PLK5: variants seen among roughly 807,000 people sequenced by gnomAD.
PLK5 encodes polo like kinase 5 (inactive).
A neutral mutation model predicts 33.7 loss-of-function variants in PLK5; 28 were observed. The observed-to-expected ratio is 0.83, with a 90% CI of 0.62 to 1.14. The LOEUF (loss-of-function observed/expected upper bound fraction) is 1.14. Ranked by LOEUF, PLK5 falls within the 50% of genes most tolerant of loss-of-function variation. The pLI is 0.00. For synonymous variants in PLK5, 225 were observed against 202.2 expected, an observed-to-expected ratio of 1.11 and a Z score of -0.96; for missense variants, 492 against 461.5, an observed-to-expected ratio of 1.07 and a Z score of -0.61.
intron 6 of PLK5, among the ~76,000 whole-genome samples, chr19:1,527,717 C>G (rs1235098696): frequency 6.6e-6 from 1 of 151,564 alleles, no homozygotes; most frequent in Non-Finnish European, 1.5e-5. Context: ...CATGGGACTG[C>G]ACAGGGTGCC....
intron 8 of PLK5, among the ~76,000 whole-genome samples, chr19:1,528,686 GCTCACA>G: frequency 1.8e-5 from 2 of 112,104 alleles, no homozygotes; most frequent in Non-Finnish European, 3.5e-5. Context: ...CCTCCCACCT[GCTCACA>G]CCTCCCACCT....
Position 1,535,309 on chromosome 19 carries a change from T to G in PLK5, c.*59T>G. 1 of 1,475,026 alleles carries G rather than the reference T, an allele frequency of 6.8e-7. No individual in the cohort carries two copies. Among genetic ancestry groups the G allele is most frequent in the South Asian group, 1.3e-5 (1 of 78,190 alleles). The allele number at this position is 1,475,026 out of a possible 1,614,324, so 91.4% of individuals were successfully genotyped here. A position where few individuals can be genotyped will look rare whatever the true frequency, so the allele number is the denominator to read the frequency against. On this transcript the variant is annotated 3_prime_UTR_variant, in exon 14 of 14. Coordinates refer to ENST00000454744, the MANE Select transcript of PLK5 (RefSeq NM_001243079.2). ...TAGTGCCAGGGACCCAGGCTCCATT[T>G]CCATTCCTGTGGCTCCCCCAGAGGG...
intron 8 of PLK5, among the ~76,000 whole-genome samples, 145 bp from the exon 9 acceptor site, chr19:1,528,736 ACCTGCCCACACCTCCCG>A (rs1435992911): frequency 1.1e-4 from 14 of 124,454 alleles, no homozygotes; most frequent in Admixed American, 5.6e-4. Flanking sequence ...ACCTGCCCCC[ACCTGCCCACACCTCCCG>A]CCTGCCCACA....
At chr19:1,534,537 G>A (rs753152825) in intron 13 of PLK5, among the ~76,000 whole-genome samples, 11 of 147,638 alleles carry the variant, frequency 7.5e-5, no homozygotes, top group Non-Finnish European at 1.2e-4. Context: ...CGGGCACGGT[G>A]GCTCACGCCT....
At position 1,535,555 on chromosome 19, in the gene PLK5, T is replaced by C; in HGVS notation, c.*305T>C. 1 of 383,724 alleles carries C rather than the reference T, an allele frequency of 2.6e-6. No individual in the cohort carries two copies. Among genetic ancestry groups the C allele is most frequent in the South Asian group, 3.5e-5 (1 of 28,758 alleles). The allele number at this position is 383,724 out of a possible 1,614,324, so 23.8% of individuals were successfully genotyped here. A position where few individuals can be genotyped will look rare whatever the true frequency, so the allele number is the denominator to read the frequency against. Reference sequence around the variant, plus strand: ...GTTGCATCCTCCCTGTTTCTCTTAGTGGCAGAGGTGGGTTACATTTTCACT... The same window carrying C: ...GTTGCATCCTCCCTGTTTCTCTTAGCGGCAGAGGTGGGTTACATTTTCACT... On this transcript the variant is annotated 3_prime_UTR_variant, in exon 14 of 14. Coordinates refer to ENST00000454744, the MANE Select transcript of PLK5 (RefSeq NM_001243079.2).
In PLK5 at chr19:1,524,516, G is replaced by C. The variant is rs1254850590; in HGVS notation, c.-544+270G>C. On this transcript the variant is annotated intron_variant, in intron 1 of 13. Transcript: ENST00000454744. The surrounding 1 kb of genome is among the most constrained non-coding windows in gnomAD (Gnocchi z 4.5). ...CGGGATGCGACGCTGTGTTGCCCCT[G>C]GGTGTGTGTGCGAGCCTGGCGAGGG... is the stretch of plus-strand genomic sequence containing the variant. Among the ~76,000 whole-genome samples, 1 of 152,124 alleles carries C rather than the reference G, an allele frequency of 6.6e-6. No individual in the cohort carries two copies. Among genetic ancestry groups the C allele is most frequent in the African/African-American group, 2.4e-5 (1 of 41,396 alleles).
chr19:1,525,416 A>C lies in PLK5; in HGVS notation c.-432A>C, dbSNP rs1157956526. The C allele has an allele frequency of 2.0e-5, 3 of 151,952 alleles. No individual in the cohort carries two copies. Among genetic ancestry groups the C allele is most frequent in the African/African-American group, 7.3e-5 (3 of 41,078 alleles). The allele number at this position is 151,952 out of a possible 1,614,324, so 9.4% of individuals were successfully genotyped here. A position where few individuals can be genotyped will look rare whatever the true frequency, so the allele number is the denominator to read the frequency against. On this transcript the variant is annotated splice_region_variant and 5_prime_UTR_variant, in exon 2 of 14. Coordinates refer to ENST00000454744, the MANE Select transcript of PLK5 (RefSeq NM_001243079.2). The stretch of plus-strand genomic sequence containing the variant: ...GGCCGGGTGGCTTCGCCCGCAGGGA[A>C]AGGTGCGTGTCCCCATCGGTCCCCA...
chr19:1,531,607 C>T (rs1913930073), intron 11 of PLK5, 131 bp from the exon 12 acceptor site: 1 of 1,067,918 alleles, frequency 9.4e-7, no homozygotes, highest in Non-Finnish European at 1.3e-6. Context: ...ACCACCGAAG[C>T]CCCCAAGCCT....
In PLK5 at chr19:1,524,552, C is replaced by T. The variant is rs989203316; in HGVS notation, c.-544+306C>T. Among the ~76,000 whole-genome samples the T allele has an allele frequency of 3.9e-5, 6 of 151,970 alleles. No homozygotes were observed. The highest frequency in any genetic ancestry group is 3.4e-3 in the Middle Eastern group (1 of 294). ...CGAGCCTGGCGAGGGTCTGAGTGTG[C>T]CGCGTCTGTGCCCGCTGCTTCCAAG... is the stretch of plus-strand genomic sequence containing the variant. On this transcript the variant is annotated intron_variant, in intron 1 of 13. Coordinates refer to ENST00000454744, the MANE Select transcript of PLK5 (RefSeq NM_001243079.2). The surrounding 1 kb of genome is among the most constrained non-coding windows in gnomAD (Gnocchi z 4.5).
intron 8 of PLK5, 137 bp from the exon 9 acceptor site, chr19:1,528,761 A>T: frequency 1.2e-6 from 1 of 830,398 alleles, no homozygotes; most frequent in Non-Finnish European, 1.8e-6. Flanking sequence ...CCGCCTGCCC[A>T]CACCTCCCAC....
chr19:1,532,015 A>C (rs1255446736), intron 12 of PLK5, 132 bp downstream of exon 12: 1 of 1,062,614 alleles, frequency 9.4e-7, no homozygotes, highest in Non-Finnish European at 1.3e-6. Context: ...GGAGAACAAC[A>C]CTAAACGAAT....
intron 12 of PLK5, among the ~76,000 whole-genome samples, chr19:1,532,102 G>A (rs1314450190): frequency 6.6e-6 from 1 of 152,178 alleles, no homozygotes; most frequent in African/African-American, 2.4e-5. Flanking sequence ...AGTAGTGTGG[G>A]TAGGGGGAAG....
In PLK5 at chr19:1,528,361, A is replaced by T; in HGVS notation, c.261A>T (p.Ile87=). 1 of 1,526,638 alleles carries T rather than the reference A, an allele frequency of 6.6e-7. No homozygotes were observed. The highest frequency in any genetic ancestry group is 8.7e-7 in the Non-Finnish European group (1 of 1,142,904). 94.6% of individuals were successfully genotyped at this position (1,526,638 alleles called of 1,614,324 possible). A position where few individuals can be genotyped will look rare whatever the true frequency, so the allele number is the denominator to read the frequency against. Residue 87 remains isoleucine, a synonymous_variant, in exon 8 of 14, where the codon ATA becomes ATT. Transcript: ENST00000454744. ...GCCACAGTCCCCCCATCTTCGCCAT[A>T]CCCCCGCCTCTGGGCAGGATCTTCC... ...HSCHSPPIFA[I]PPPLGRIFRK...
At position 1,527,983 on chromosome 19, in the gene PLK5, C is replaced by T. The variant is rs769756010; in HGVS notation, c.50C>T (p.Ser17Leu). The change falls in exon 7 of 14, where the codon TCG becomes TTG. Residue 17 changes from serine (S) to leucine (L), a missense_variant. Ser to Leu is a moderately radical substitution (Grantham distance 145). Transcript: ENST00000454744. ...CCACCCTTCATGGCCTCACCCCTGTCGGAGATGTACCAAAACATCCGTGAG... is the reference window on the plus strand; with the variant it reads ...CCACCCTTCATGGCCTCACCCCTGTTGGAGATGTACCAAAACATCCGTGAG... ...GTPPFMASPL[S>L]EMYQNIREGH... 32 of 1,535,976 alleles carry T rather than the reference C, an allele frequency of 2.1e-5. No homozygotes were observed. The highest frequency in any genetic ancestry group is 1.1e-4 in the South Asian group (9 of 84,070).
chr19:1,530,319 C>T (rs1484871861), intron 11 of PLK5, among the ~76,000 whole-genome samples: 2 of 151,944 alleles, frequency 1.3e-5, no homozygotes, highest in African/African-American at 4.8e-5. Flanking sequence ...TTTTAAGAGA[C>T]GGAATCTCAC....
At chr19:1,525,812 G>C (rs1913724578) in intron 3 of PLK5, 101 bp downstream of exon 3, 1 of 152,790 alleles carries the variant, frequency 6.5e-6, no homozygotes, top group African/African-American at 2.4e-5. Flanking sequence ...GTACCATCCT[G>C]TGTGCCCTCT....
At position 1,528,333 on chromosome 19, in the gene PLK5, C is replaced by G. The variant is rs1412834355; in HGVS notation, c.233C>G (p.Ser78Cys). ...GFTPDRLPAH[S>C]CHSPPIFAIP... is the part of the protein sequence containing the mutation. ...ACTCCAGACCGGCTGCCGGCCCACTCCTGCCACAGTCCCCCCATCTTCGCC... is the reference window on the plus strand; with the variant it reads ...ACTCCAGACCGGCTGCCGGCCCACTGCTGCCACAGTCCCCCCATCTTCGCC... Residue 78 changes from serine to cysteine, a missense_variant, in exon 8 of 14, where the codon TCC (serine) becomes TGC (cysteine). Transcript: ENST00000454744. 5 of 1,535,700 alleles carry G rather than the reference C, an allele frequency of 3.3e-6. No homozygotes were observed. The highest frequency in any genetic ancestry group is 2.6e-6 in the Non-Finnish European group (3 of 1,146,796).
chr19:1,531,875 C>T lies in PLK5; in HGVS notation c.706C>T (p.Pro236Ser), dbSNP rs1032021319. ...ACGGCACCCACATGGCCCTGCGACC[C>T]CCCGGAGGGTAAGTTGTGGCCTCCT... ...TGRHPHGPAT[P>S]RREGTLPTPV... Residue 236 changes from proline (P) to serine (S), a missense_variant, in exon 12 of 14, where the codon CCC becomes TCC. Transcript: ENST00000454744. 2.0e-6 allele frequency: 3 copies of T among 1,484,304 alleles called. No homozygotes were observed. In the African/African-American group the frequency reaches 4.2e-5, roughly 21 times the overall value. 91.9% of individuals were successfully genotyped at this position (1,484,304 alleles called of 1,614,324 possible).
chr19:1,528,484 CCACACCT>C (rs1913816155), intron 8 of PLK5, 56 bp downstream of exon 8: 1 of 1,399,744 alleles, frequency 7.1e-7, no homozygotes, highest in Admixed American at 2.4e-5. Flanking sequence ...TCCCACCTGC[CCACACCT>C]CCCACCTGCC....
Sources: allele counts gnomAD v4.1 joint callset (sites outside exome capture counted in the v4.1 genomes callset), GRCh38; gene constraint gnomAD v4.1.1; non-coding constraint Gnocchi (gnomAD v3.1); transcripts MANE v1.5; gene names NCBI Gene and HGNC (gene_info 2026-07-23, HGNC 2026-07-21).